The following AP2B1 variants were observed in gnomAD, a reference collection of about 807,000 sequenced individuals.
AP2B1 encodes adaptor related protein complex 2 subunit beta 1, also known as AP-2 complex subunit beta.
In AP2B1, 23 loss-of-function variants were observed where a neutral mutation model predicts 102.0. The observed-to-expected ratio is 0.23, with a 90% CI of 0.16 to 0.32. AP2B1 has a LOEUF of 0.32. Among genes scored for constraint, AP2B1 ranks in the 10% least tolerant of loss-of-function variants. AP2B1 has a pLI of 1.00. For missense variants in AP2B1, 541 were observed against 1,157.4 expected, an observed-to-expected ratio of 0.47 and a Z score of 7.73; for synonymous variants, 381 against 421.2, an observed-to-expected ratio of 0.90 and a Z score of 1.17.
intron 5 of AP2B1, 90 bp downstream of exon 5, chr17:35,608,477 C>T: frequency 2.7e-6 from 4 of 1,461,736 alleles, no homozygotes; most frequent in Non-Finnish European, 2.8e-6. Context: ...CTTTGGAATA[C>T]TGGGTTATGG....
rs2074793543 is a variant in AP2B1, at chr17:35,641,900, C to A, written c.1461C>A (p.Ala487=). Residue 487 remains alanine, a synonymous_variant, in exon 12 of 22, where the codon GCC becomes GCA. Coordinates refer to ENST00000610402, the MANE Select transcript of AP2B1 (RefSeq NM_001030006.2). ...STQVQLTLLT[A]IVKLFLKKPS... ...AGGTGCAGCTCACTCTGCTTACTGC[C>A]ATAGTGAAGCTGTTTCTCAAGAAAC... 6.2e-7 allele frequency: 1 copy of A among 1,611,948 alleles called. No individual in the cohort carries two copies. The highest frequency in any genetic ancestry group is 8.5e-7 in the Non-Finnish European group (1 of 1,178,468).
At chr17:35,643,229 G>A (rs1377252423) in intron 12 of AP2B1, among the ~76,000 whole-genome samples, 2 of 151,874 alleles carry the variant, frequency 1.3e-5, no homozygotes, top group African/African-American at 4.8e-5. Flanking sequence ...GAAGGTTTAC[G>A]AATTTGTATT....
rs150395127 is a variant in AP2B1 at position 35,614,995 on chromosome 17, G to C, written c.525+6608G>C. Among the ~76,000 whole-genome samples the C allele has an allele frequency of 6.3e-3, 957 of 152,246 alleles. 8 individuals are homozygous for C. Among genetic ancestry groups the C allele is most frequent in the Non-Finnish European group, 0.01 (682 of 68,006 alleles). The stretch of plus-strand genomic sequence containing the variant: ...TTTTTTTGGTTGTCAAACCTGATGG[G>C]AGGAGTGCTACTGGCATATATCGGG... On this transcript the variant is annotated intron_variant, in intron 5 of 21. Coordinates refer to ENST00000610402, the MANE Select transcript of AP2B1 (RefSeq NM_001030006.2).
chr17:35,717,131 AAG>A, intron 20 of AP2B1, 62 bp from the exon 21 acceptor site: 2 of 1,559,442 alleles, frequency 1.3e-6, no homozygotes, highest in Non-Finnish European at 1.8e-6. Flanking sequence ...AGGATGTGAG[AAG>A]AGAGTGTACA....
At chr17:35,674,139 C>T in intron 16 of AP2B1, 37 bp from the exon 17 acceptor site, 1 of 1,578,550 alleles carries the variant, frequency 6.3e-7, no homozygotes, top group Non-Finnish European at 8.6e-7. Flanking sequence ...CAAGATAAAT[C>T]TTGTCTGATT....
intron 21 of AP2B1, among the ~76,000 whole-genome samples, chr17:35,720,586 T>A (rs1371842446): frequency 2.8e-4 from 33 of 118,440 alleles, no homozygotes; most frequent in African/African-American, 5.4e-4. Flanking sequence ...TTTTTTTTTT[T>A]TTTTTTTTTT....
intron 17 of AP2B1, among the ~76,000 whole-genome samples, chr17:35,680,686 G>GTTTTTTTTTTTTTTTT (rs1167550201): frequency 1.7e-5 from 1 of 59,930 alleles, no homozygotes; most frequent in Non-Finnish European, 3.3e-5. Context: ...TATGGTTTTG[G>GTTTTTTTTTTTTTTTT]TTTTTTTTTT....
intron 18 of AP2B1, among the ~76,000 whole-genome samples, chr17:35,708,775 C>G (rs1555586019): frequency 1.3e-5 from 2 of 152,118 alleles, no homozygotes; most frequent in Non-Finnish European, 2.9e-5. Flanking sequence ...TGTGTACTAG[C>G]TACATGACTC....
chr17:35,651,725 C>A lies in AP2B1; in HGVS notation c.1796+936C>A, dbSNP rs1378888780. Among the ~76,000 whole-genome samples, 7 of 150,040 alleles carry A rather than the reference C, an allele frequency of 4.7e-5. No individual in the cohort carries two copies. The East Asian group carries it at 1.4e-3, about 30-fold the overall frequency. On this transcript the variant is annotated intron_variant, in intron 13 of 21. Coordinates refer to ENST00000610402, the MANE Select transcript of AP2B1 (RefSeq NM_001030006.2). ...GGATACAGATAAAGGAAAAAAAAAA[C>A]AGCAATACCCAAGGAGATTATTAAT...
chr17:35,709,157 C>T (rs1568034274), intron 18 of AP2B1, 67 bp from the exon 19 acceptor site: 11 of 1,353,310 alleles, frequency 8.1e-6, no homozygotes, highest in South Asian at 5.8e-5. Context: ...CTAGACACAG[C>T]GCTGTTCTTT....
intron 14 of AP2B1, among the ~76,000 whole-genome samples, chr17:35,668,270 C>T (rs888754605): frequency 1.3e-5 from 2 of 152,104 alleles, no homozygotes; most frequent in Admixed American, 6.5e-5. Flanking sequence ...TTTTTATTCA[C>T]AAGTTCCAAA....
At chr17:35,635,122 G>C (rs2074569638) in intron 9 of AP2B1, among the ~76,000 whole-genome samples, 1 of 152,164 alleles carries the variant, frequency 6.6e-6, no homozygotes, top group South Asian at 2.1e-4. Flanking sequence ...CACGATCTCG[G>C]CTCACTGCAA....
chr17:35,589,702 T>C (rs2073023425), intron 1 of AP2B1, among the ~76,000 whole-genome samples: 1 of 152,200 alleles, frequency 6.6e-6, no homozygotes, highest in African/African-American at 2.4e-5. Context: ...AACAGTGGCC[T>C]TAGGCCATAC....
intron 20 of AP2B1, 77 bp downstream of exon 20, chr17:35,710,397 C>A: frequency 9.6e-7 from 1 of 1,045,056 alleles, no homozygotes; most frequent in Non-Finnish European, 1.4e-6. Context: ...CTTTCTTTTG[C>A]CTACCCTTTT....
chr17:35,717,585 C>G (rs587702884), intron 21 of AP2B1, among the ~76,000 whole-genome samples: 219 of 152,324 alleles, frequency 1.4e-3, no homozygotes, highest in Non-Finnish European at 2.4e-3. Context: ...ATCCCTCCCC[C>G]CTGGTGTATA....
At chr17:35,711,077 G>C (rs1366923437) in intron 20 of AP2B1, among the ~76,000 whole-genome samples, 1 of 152,172 alleles carries the variant, frequency 6.6e-6, no homozygotes, top group Non-Finnish European at 1.5e-5. Flanking sequence ...AACAATAGCA[G>C]CTATTAGTCC....
intron 20 of AP2B1, among the ~76,000 whole-genome samples, chr17:35,715,572 G>A (rs587728514): frequency 6.6e-6 from 1 of 152,326 alleles, no homozygotes; most frequent in Non-Finnish European, 1.5e-5. Flanking sequence ...AGACAATCCT[G>A]TCAAAAGGCA....
intron 12 of AP2B1, among the ~76,000 whole-genome samples, chr17:35,643,632 T>C (rs2074846979): frequency 6.6e-6 from 1 of 152,206 alleles, no homozygotes; most frequent in African/African-American, 2.4e-5. Context: ...GAAATTCACC[T>C]CTGAATCAAG....
chr17:35,590,923 C>G (rs1418061018), intron 1 of AP2B1, among the ~76,000 whole-genome samples: 1 of 151,854 alleles, frequency 6.6e-6, no homozygotes, highest in East Asian at 1.9e-4. Context: ...GCCTGTAATC[C>G]CAGCACTTTG....
Sources: allele counts gnomAD v4.1 joint callset (sites outside exome capture counted in the v4.1 genomes callset), GRCh38; gene constraint gnomAD v4.1.1; transcripts MANE v1.5; gene names NCBI Gene and HGNC (gene_info 2026-07-23, HGNC 2026-07-21).